Variants in NHSL1 observed in about 807,000 individuals in gnomAD.
NHSL1 encodes the protein NHS-like protein 1.
In NHSL1, 48 loss-of-function variants were observed where a neutral mutation model predicts 95.0. That is an observed-to-expected ratio of 0.51 (90% confidence interval 0.40 to 0.64). The LOEUF is 0.64. Among genes scored for constraint, NHSL1 ranks in the 30% least tolerant of loss-of-function variants. NHSL1 has a pLI of 0.00. For synonymous variants in NHSL1, 783 were observed against 833.9 expected (o/e 0.94, Z 1.05); for missense variants, 1,971 against 2,077.7 (o/e 0.95, Z 1.00).
At chr6:138,633,738 G>A (rs1411616320) in intron 1 of NHSL1, among the ~76,000 whole-genome samples, 1 of 152,068 alleles carries the variant, frequency 6.6e-6, no homozygotes, top group East Asian at 1.9e-4. Context: ...TCACCTAAAG[G>A]TACAAAACTC....
chr6:138,466,041 T>TGGC (rs1554229051), intron 3 of NHSL1, among the ~76,000 whole-genome samples: 3 of 125,552 alleles, frequency 2.4e-5, no homozygotes, highest in Admixed American at 9.3e-5. Flanking sequence ...CACTCCTTTT[T>TGGC]GGGGGGGGGG....
At position 138,652,416 on chromosome 6, in the gene NHSL1, G is replaced by GT. The variant is rs1562403074; in HGVS notation, c.96+40059_96+40060insA. Among the ~76,000 whole-genome samples the GT allele has an allele frequency of 7.0e-3, 1,047 of 149,982 alleles. 9 individuals are homozygous for GT. The highest frequency in any genetic ancestry group is 0.022 in the African/African-American group (910 of 40,676). ...GATCGCGCCATTACACTCCAGCCTG[G>GT]GCAACAAGAGTGAAACTCTATCTCA... is the stretch of plus-strand genomic sequence containing the variant. On this transcript the variant is annotated intron_variant, in intron 1 of 3. Transcript: ENST00000491526.
At chr6:138,444,126 A>G (rs923431218) in intron 4 of NHSL1, among the ~76,000 whole-genome samples, 1 of 152,180 alleles carries the variant, frequency 6.6e-6, no homozygotes, top group African/African-American at 2.4e-5. Context: ...ATATCTGTTG[A>G]ATTACTCACT....
At chr6:138,618,121 C>T (rs1019345511) in intron 1 of NHSL1, among the ~76,000 whole-genome samples, 4 of 152,174 alleles carry the variant, frequency 2.6e-5, no homozygotes, top group African/African-American at 7.2e-5. Flanking sequence ...ATAACAGAGA[C>T]CTTCCTGCAG....
chr6:138,555,630 A>G (rs1783169341), intron 1 of NHSL1, among the ~76,000 whole-genome samples: 2 of 152,168 alleles, frequency 1.3e-5, no homozygotes, highest in South Asian at 4.1e-4. Flanking sequence ...GACATGAGAA[A>G]GCCTGTTTTC....
intron 1 of NHSL1, among the ~76,000 whole-genome samples, chr6:138,606,178 C>T (rs944297430): frequency 2.0e-5 from 3 of 152,208 alleles, no homozygotes; most frequent in African/African-American, 7.2e-5. Flanking sequence ...ACAACCCACA[C>T]AGGCTCCTCT....
rs1304083144 is a variant in NHSL1 at position 138,442,123 on chromosome 6, G to A, written c.533-9C>T. 6.5e-7 allele frequency: 1 copy of A among 1,543,226 alleles called. No homozygotes were observed. Among genetic ancestry groups the A allele is most frequent in the Non-Finnish European group, 8.7e-7 (1 of 1,143,708 alleles). On this transcript the variant is annotated splice_polypyrimidine_tract_variant and intron_variant, in intron 4 of 7. Coordinates refer to ENST00000343505, the MANE Select transcript of NHSL1 (RefSeq NM_001144060.2). ...GCGATCGAAATTCTCCCCTAATGTA[G>A]AGTAGTAGAACAAGCAAAGCAATGT...
intron 1 of NHSL1, among the ~76,000 whole-genome samples, chr6:138,611,227 T>C (rs1562391157): frequency 6.6e-6 from 1 of 152,208 alleles, no homozygotes; most frequent in Non-Finnish European, 1.5e-5. Flanking sequence ...GTGTCAACTA[T>C]AAATAGCAAT....
chr6:138,427,629 C>T (rs1775350052), intron 7 of NHSL1, among the ~76,000 whole-genome samples: 2 of 152,140 alleles, frequency 1.3e-5, no homozygotes, highest in Non-Finnish European at 1.5e-5. Flanking sequence ...AAACAGTTAA[C>T]ACTGATTTTA....
intron 1 of NHSL1, among the ~76,000 whole-genome samples, chr6:138,514,436 A>G (rs1345917299): frequency 1.3e-5 from 2 of 152,220 alleles, no homozygotes; most frequent in African/African-American, 4.8e-5. Flanking sequence ...GGATGCCTAA[A>G]ACCACAGATG....
intron 1 of NHSL1, among the ~76,000 whole-genome samples, chr6:138,625,678 C>A (rs1192737544): frequency 5.9e-5 from 9 of 151,276 alleles, no homozygotes. Context: ...CAAAGTCTTG[C>A]TGTCACCCAG....
intron 1 of NHSL1, among the ~76,000 whole-genome samples, chr6:138,621,585 G>C (rs898027678): frequency 6.6e-5 from 10 of 151,732 alleles, no homozygotes; most frequent in African/African-American, 2.2e-4. Context: ...TGATTCTCCT[G>C]CCTCAGCCTC....
intron 3 of NHSL1, among the ~76,000 whole-genome samples, chr6:138,463,738 C>T (rs917444418): frequency 6.6e-6 from 1 of 152,024 alleles, no homozygotes. Context: ...GTTCCCCTCC[C>T]TGTGTCCATG....
rs566985616 is a variant in NHSL1, at chr6:138,565,848, G to A, written c.202+5862C>T. On this transcript the variant is annotated intron_variant, in intron 1 of 6. Coordinates refer to the NHSL1 transcript ENST00000427025. ...GTCCTAGCTACTCAGGAGGCTGAGC[G>A]GGGAGGATCCCTTGAGCCTGGGAGT... Among the ~76,000 whole-genome samples, 212 of 151,428 alleles carry A rather than the reference G, an allele frequency of 1.4e-3. 3 individuals carry two copies. The highest frequency in any genetic ancestry group is 0.01 in the Middle Eastern group (3 of 292).
At chr6:138,633,818 C>A (rs1784853668) in intron 1 of NHSL1, among the ~76,000 whole-genome samples, 2 of 152,166 alleles carry the variant, frequency 1.3e-5, no homozygotes, top group South Asian at 4.1e-4. Context: ...GTAAACTACT[C>A]TTATTCTAAG....
chr6:138,618,538 C>A (rs9495159), intron 1 of NHSL1, among the ~76,000 whole-genome samples: 23,373 of 152,096 alleles, frequency 0.15, 2,454 homozygotes, highest in African/African-American at 0.3. Flanking sequence ...AGCTACTCAC[C>A]TGCTTAATAT....
intron 1 of NHSL1, among the ~76,000 whole-genome samples, chr6:138,681,897 C>T (rs145948271): frequency 1.1e-3 from 172 of 152,124 alleles, no homozygotes; most frequent in African/African-American, 4.0e-3. Context: ...ACAGGGAGTG[C>T]AGGGGAAGTA....
chr6:138,446,487 G>A (rs1489249121), intron 4 of NHSL1, among the ~76,000 whole-genome samples: 1 of 152,086 alleles, frequency 6.6e-6, no homozygotes, highest in Non-Finnish European at 1.5e-5. Flanking sequence ...ATTAATATTT[G>A]TAGTCTAGCT....
intron 1 of NHSL1, among the ~76,000 whole-genome samples, chr6:138,685,485 C>G (rs1785573792): frequency 6.6e-6 from 1 of 152,142 alleles, no homozygotes; most frequent in African/African-American, 2.4e-5. Flanking sequence ...CCTGCCTGAT[C>G]TGCTTGGCAA....
Sources: allele counts gnomAD v4.1 joint callset (sites outside exome capture counted in the v4.1 genomes callset), GRCh38; gene constraint gnomAD v4.1.1; transcripts MANE v1.5; gene names NCBI Gene and HGNC (gene_info 2026-07-23, HGNC 2026-07-21).